ARHGAP26: variants seen among roughly 807,000 people sequenced by gnomAD.
The protein encoded by ARHGAP26 is rho GTPase-activating protein 26.
In ARHGAP26, 38 loss-of-function variants were observed where a neutral mutation model predicts 104.8. The ratio of observed to expected loss-of-function variants is 0.36; its 90% CI spans 0.28 to 0.48. The LOEUF is 0.48. Among genes scored for constraint, ARHGAP26 ranks in the 20% least tolerant of loss-of-function variants. The pLI, the probability that ARHGAP26 is intolerant of heterozygous loss-of-function variation, is 0.99. For missense variants in ARHGAP26, 704 were observed against 947.9 expected, an observed-to-expected ratio of 0.74 and a Z score of 3.38; for synonymous variants, 341 against 340.0, an observed-to-expected ratio of 1.00 and a Z score of -0.03.
intron 20 of ARHGAP26, among the ~76,000 whole-genome samples, chr5:143,189,661 C>T: frequency 6.6e-6 from 1 of 152,054 alleles, no homozygotes; most frequent in East Asian, 1.9e-4. Context: ...AAAGTGTATA[C>T]CTGCCTTAGT....
At chr5:143,219,928 C>T (rs1048404411) in intron 22 of ARHGAP26, among the ~76,000 whole-genome samples, 1 of 152,232 alleles carries the variant, frequency 6.6e-6, no homozygotes, top group African/African-American at 2.4e-5. Flanking sequence ...AACCCAAAGG[C>T]TGTGTTATCT....
intron 17 of ARHGAP26, among the ~76,000 whole-genome samples, chr5:143,066,000 GGTAAA>G (rs2150349348): frequency 6.6e-6 from 1 of 152,256 alleles, no homozygotes; most frequent in East Asian, 1.9e-4. Context: ...AGAATCCCCT[GGTAAA>G]GTAGTGTCAG....
intron 11 of ARHGAP26, among the ~76,000 whole-genome samples, chr5:142,963,700 G>A (rs1770790926): frequency 1.3e-5 from 2 of 152,042 alleles, no homozygotes; most frequent in Non-Finnish European, 2.9e-5. Context: ...TATAAAATTA[G>A]CACTTTCCCT....
chr5:143,044,563 T>C (rs1422436044), intron 14 of ARHGAP26, among the ~76,000 whole-genome samples: 1 of 140,248 alleles, frequency 7.1e-6, no homozygotes, highest in Non-Finnish European at 1.5e-5. Context: ...TGTGCGTATG[T>C]TGGGGGATGT....
chr5:143,023,714 G>A (rs1780648684), intron 12 of ARHGAP26, among the ~76,000 whole-genome samples: 2 of 152,178 alleles, frequency 1.3e-5, no homozygotes, highest in African/African-American at 4.8e-5. Flanking sequence ...AAGGGTGGAA[G>A]GCATTAATGG....
chr5:143,079,997 A>AT (rs889791289), intron 17 of ARHGAP26, among the ~76,000 whole-genome samples: 11 of 152,170 alleles, frequency 7.2e-5, no homozygotes, highest in African/African-American at 2.7e-4. Flanking sequence ...CCTCAGGAGT[A>AT]TGACCTACCT....
intron 17 of ARHGAP26, among the ~76,000 whole-genome samples, chr5:143,114,018 G>T (rs529311020): frequency 2.3e-4 from 35 of 152,120 alleles, no homozygotes; most frequent in Non-Finnish European, 4.3e-4. Context: ...TACCTTCTCA[G>T]TGCTTCTCTT....
intron 1 of ARHGAP26, among the ~76,000 whole-genome samples, chr5:142,795,889 A>G (rs1760893135): frequency 6.6e-6 from 1 of 152,182 alleles, no homozygotes; most frequent in Non-Finnish European, 1.5e-5. Flanking sequence ...TCAAATCCCC[A>G]GGATCCTGAA....
At chr5:143,076,456 C>G (rs916450448) in intron 17 of ARHGAP26, among the ~76,000 whole-genome samples, 1 of 152,096 alleles carries the variant, frequency 6.6e-6, no homozygotes, top group Non-Finnish European at 1.5e-5. Flanking sequence ...TAATTTGGAG[C>G]ATACATACTT....
intron 1 of ARHGAP26, among the ~76,000 whole-genome samples, chr5:142,820,866 C>T (rs1191626068): frequency 6.6e-6 from 1 of 152,148 alleles, no homozygotes; most frequent in Non-Finnish European, 1.5e-5. Context: ...GATTGCATTT[C>T]ATAGACAAGG....
chr5:143,152,775 A>G (rs190095512), intron 20 of ARHGAP26, among the ~76,000 whole-genome samples: 3 of 152,316 alleles, frequency 2.0e-5, no homozygotes, highest in African/African-American at 7.2e-5. Flanking sequence ...AGCCTGTTGT[A>G]GCCTCCTTAA....
chr5:142,885,898 G>T (rs940882632), intron 5 of ARHGAP26, among the ~76,000 whole-genome samples: 1 of 151,978 alleles, frequency 6.6e-6, no homozygotes, highest in Non-Finnish European at 1.5e-5. Flanking sequence ...GTGCTTTATT[G>T]TCCTGTATAT....
intron 17 of ARHGAP26, among the ~76,000 whole-genome samples, chr5:143,117,165 A>G (rs1317317362): frequency 1.3e-5 from 2 of 152,196 alleles, no homozygotes; most frequent in Admixed American, 6.5e-5. Flanking sequence ...AAGACTCAAC[A>G]TGACATTCTG....
chr5:143,191,558 T>C, intron 20 of ARHGAP26, among the ~76,000 whole-genome samples: 1 of 152,164 alleles, frequency 6.6e-6, no homozygotes, highest in Non-Finnish European at 1.5e-5. Flanking sequence ...TAATGAGATA[T>C]TATTTGCAAT....
At chr5:142,813,176 C>T (rs1470228942) in intron 1 of ARHGAP26, among the ~76,000 whole-genome samples, 4 of 152,108 alleles carry the variant, frequency 2.6e-5, no homozygotes, top group African/African-American at 9.7e-5. Context: ...CTCCTGACCT[C>T]GTGATCCACC....
chr5:143,150,162 A>G (rs115153987), intron 20 of ARHGAP26, among the ~76,000 whole-genome samples: 124 of 152,326 alleles, frequency 8.1e-4, no homozygotes, highest in African/African-American at 2.9e-3. Flanking sequence ...TGAAGTAGCC[A>G]TCTCTCCTGA....
intron 1 of ARHGAP26, among the ~76,000 whole-genome samples, chr5:142,839,278 A>G (rs1770247115): frequency 6.6e-6 from 1 of 152,218 alleles, no homozygotes; most frequent in South Asian, 2.1e-4. Context: ...GCACCTTCAG[A>G]CACTTAAAGA....
chr5:143,001,582 G>A (rs973359743), intron 11 of ARHGAP26, among the ~76,000 whole-genome samples: 2 of 152,186 alleles, frequency 1.3e-5, no homozygotes, highest in Non-Finnish European at 2.9e-5. Flanking sequence ...TTTTTATAAG[G>A]GTATGTGGAT....
intron 11 of ARHGAP26, among the ~76,000 whole-genome samples, chr5:142,996,845 A>T (rs1776474809): frequency 6.6e-6 from 1 of 152,130 alleles, no homozygotes; most frequent in South Asian, 2.1e-4. Context: ...TGAAATTTCT[A>T]ATTGTGGCTT....
Sources: allele counts gnomAD v4.1 joint callset (sites outside exome capture counted in the v4.1 genomes callset), GRCh38; gene constraint gnomAD v4.1.1; transcripts MANE v1.5; gene names NCBI Gene and HGNC (gene_info 2026-07-23, HGNC 2026-07-21).